PTPN14: variants seen among roughly 807,000 people sequenced by gnomAD.
PTPN14 encodes tyrosine-protein phosphatase non-receptor type 14.
In PTPN14, 53 loss-of-function variants were observed where a neutral mutation model predicts 126.8. The observed-to-expected ratio is 0.42, with a 90% CI of 0.34 to 0.53. The LOEUF is 0.53. Ranked by LOEUF, PTPN14 falls within the 20% of genes least tolerant of loss-of-function variation. PTPN14 has a pLI of 0.08. For missense variants in PTPN14, 1,257 were observed against 1,552.9 expected, an observed-to-expected ratio of 0.81 and a Z score of 3.20; for synonymous variants, 630 against 599.3, an observed-to-expected ratio of 1.05 and a Z score of -0.75.
Position 214,369,568 on chromosome 1 carries a change from T to C in PTPN14, c.3160A>G (p.Thr1054Ala). Residue 1054 changes from threonine (T) to alanine (A), a missense_variant, in exon 17 of 19, where the codon ACG (threonine) becomes GCG (alanine). Around this residue, in one of 3 missense-constraint regions of PTPN14, gnomAD observed 171 missense variants for 229.8 expected, o/e 0.74. Coordinates refer to ENST00000366956, the MANE Select transcript of PTPN14 (RefSeq NM_005401.5). ...AAAAGGTGCTTGACCTTCAAGCCCG[T>C]GGTTGCATAGCAAACAGAATCCGTT... is the stretch of plus-strand genomic sequence containing the variant. ...FRTDSVCYAT[T>A]GLKVKHLLSG... 6.2e-7 allele frequency: 1 copy of C among 1,614,172 alleles called. No homozygotes were observed. Among genetic ancestry groups the C allele is most frequent in the Non-Finnish European group, 8.5e-7 (1 of 1,180,032 alleles).
chr1:214,497,456 T>C (rs1262601276), intron 1 of PTPN14, among the ~76,000 whole-genome samples: 2 of 152,170 alleles, frequency 1.3e-5, no homozygotes, highest in East Asian at 3.8e-4. Context: ...AAGCAGAAAT[T>C]TGGCATTATC....
chr1:214,362,287 T>C (rs374259191), intron 18 of PTPN14, among the ~76,000 whole-genome samples: 2 of 152,200 alleles, frequency 1.3e-5, no homozygotes, highest in African/African-American at 4.8e-5. Context: ...ATATTTGTGC[T>C]AGGGGAAGAG....
At chr1:214,487,098 C>T (rs1188316199) in intron 1 of PTPN14, among the ~76,000 whole-genome samples, 1 of 152,136 alleles carries the variant, frequency 6.6e-6, no homozygotes, top group Admixed American at 6.5e-5. Flanking sequence ...GCATCCACTT[C>T]TTTTAACCCA....
intron 3 of PTPN14, among the ~76,000 whole-genome samples, chr1:214,417,897 C>T (rs563988818): frequency 2.0e-5 from 3 of 152,080 alleles, no homozygotes; most frequent in South Asian, 2.1e-4. Flanking sequence ...CCATGTAAAA[C>T]GGTTAAAGCC....
intron 15 of PTPN14, among the ~76,000 whole-genome samples, chr1:214,373,855 T>C (rs1658279298): frequency 6.6e-6 from 1 of 152,188 alleles, no homozygotes; most frequent in Non-Finnish European, 1.5e-5. Flanking sequence ...GTCAACAGCA[T>C]ATATTTTATC....
At chr1:214,504,130 A>C (rs1320002761) in intron 1 of PTPN14, among the ~76,000 whole-genome samples, 1 of 152,212 alleles carries the variant, frequency 6.6e-6, no homozygotes, top group African/African-American at 2.4e-5. Context: ...TTAAAACTAA[A>C]GAAAAATCTT....
At chr1:214,403,230 T>C (rs1440430481) in intron 5 of PTPN14, among the ~76,000 whole-genome samples, 2 of 152,210 alleles carry the variant, frequency 1.3e-5, no homozygotes, top group African/African-American at 4.8e-5. Flanking sequence ...TCATTCATTC[T>C]TCCCTATCCG....
At chr1:214,386,571 C>G (rs1658615539) in intron 12 of PTPN14, among the ~76,000 whole-genome samples, 1 of 152,216 alleles carries the variant, frequency 6.6e-6, no homozygotes, top group African/African-American at 2.4e-5. Flanking sequence ...GTCATACTCT[C>G]TTCTCTAAGC....
At position 214,433,612 on chromosome 1, in the gene PTPN14, TAAC is replaced by T. The variant is rs1242804014; in HGVS notation, c.344+18190_344+18192del. On this transcript the variant is annotated intron_variant, in intron 3 of 18. Transcript: ENST00000366956. Reference sequence around the variant, plus strand: ...CTCTGAGGACACTGAAGCAAGAATGTAACAACAAGCAGAGGGGCCATAAATATA... The same window carrying T: ...CTCTGAGGACACTGAAGCAAGAATGTAACAAGCAGAGGGGCCATAAATATA... 9.9e-5 allele frequency among the ~76,000 whole-genome samples: 15 copies of T among 151,858 alleles called. No homozygotes were observed. In the South Asian group the frequency reaches 1.5e-3, roughly 15 times the overall value.
intron 1 of PTPN14, among the ~76,000 whole-genome samples, chr1:214,520,065 A>ATAT (rs1553274992): frequency 0.012 from 861 of 71,102 alleles, 10 homozygotes; most frequent in African/African-American, 0.018. Flanking sequence ...AAAAAAAAAA[A>ATAT]ATATATATAT....
chr1:214,499,084 T>C (rs1654615999), intron 1 of PTPN14, among the ~76,000 whole-genome samples: 1 of 152,116 alleles, frequency 6.6e-6, no homozygotes. Context: ...GGATAAGAGA[T>C]AGTAGCCATC....
intron 1 of PTPN14, among the ~76,000 whole-genome samples, chr1:214,500,465 G>C (rs534829089): frequency 3.5e-4 from 54 of 152,122 alleles, no homozygotes; most frequent in Admixed American, 7.9e-4. Flanking sequence ...CCATCTTTCC[G>C]GCAACAAAGA....
At chr1:214,361,095 GTC>G (rs1361599123) in intron 18 of PTPN14, among the ~76,000 whole-genome samples, 1 of 152,148 alleles carries the variant, frequency 6.6e-6, no homozygotes, top group African/African-American at 2.4e-5. Context: ...AGAATTATGA[GTC>G]AACTAAACCT....
rs1658527823 is a variant in PTPN14, at chr1:214,383,671, C to T, written c.2184G>A (p.Arg728=). 1.9e-6 allele frequency: 3 copies of T among 1,613,470 alleles called. No individual in the cohort carries two copies. The highest frequency in any genetic ancestry group is 2.5e-6 in the Non-Finnish European group (3 of 1,180,024). Residue 728 remains arginine (R), a synonymous_variant, in exon 13 of 19, where the codon CGG becomes CGA. Transcript: ENST00000366956. The surrounding 1 kb of genome is among the most constrained non-coding windows in gnomAD (Gnocchi z 4.4). ...GCTGGGCACTGTACTCCATCTTCTC[C>T]CGGAGCATGGGGATCTGGGGCACCG... The part of the protein sequence containing the change: ...PESVPQIPML[R]EKMEYSAQLQ...
At chr1:214,537,139 C>T (rs1343267779) in intron 1 of PTPN14, among the ~76,000 whole-genome samples, 6 of 152,142 alleles carry the variant, frequency 3.9e-5, no homozygotes, top group African/African-American at 9.7e-5. Flanking sequence ...CGAAGCACAT[C>T]CAGTTTGATT....
At chr1:214,522,981 T>G (rs181307827) in intron 1 of PTPN14, among the ~76,000 whole-genome samples, 1 of 152,302 alleles carries the variant, frequency 6.6e-6, no homozygotes, top group East Asian at 1.9e-4. Flanking sequence ...CTTTTGAAAT[T>G]GTGGTGGTGA....
At chr1:214,393,889 A>G in intron 9 of PTPN14, 112 bp from the exon 10 acceptor site, 1 of 812,658 alleles carries the variant, frequency 1.2e-6, no homozygotes, top group Admixed American at 2.3e-5. Context: ...CATCTCAAGC[A>G]CAAAATAATA....
intron 18 of PTPN14, among the ~76,000 whole-genome samples, chr1:214,363,951 G>A (rs995598498): frequency 3.9e-5 from 6 of 152,198 alleles, no homozygotes; most frequent in Non-Finnish European, 5.9e-5. Flanking sequence ...AGAAGGGGTA[G>A]GGTGACCCGC....
chr1:214,495,288 T>C (rs1166628572), intron 1 of PTPN14, among the ~76,000 whole-genome samples: 1 of 152,202 alleles, frequency 6.6e-6, no homozygotes, highest in Non-Finnish European at 1.5e-5. Context: ...GTGAAAAGAT[T>C]AAATAAGATA....
Sources: allele counts gnomAD v4.1 joint callset (sites outside exome capture counted in the v4.1 genomes callset), GRCh38; gene constraint gnomAD v4.1.1; regional missense constraint gnomAD v4.1.1; non-coding constraint Gnocchi (gnomAD v3.1); transcripts MANE v1.5; gene names NCBI Gene and HGNC (gene_info 2026-07-23, HGNC 2026-07-21).